The following SMOC2 variants were observed in gnomAD, a reference collection of about 807,000 sequenced individuals.
The protein encoded by SMOC2 is SPARC related modular calcium binding 2.
SMOC2 carries 39 observed loss-of-function variants against 61.4 expected under a neutral mutation model. That is an observed-to-expected ratio of 0.64 (90% CI 0.49 to 0.83). SMOC2 has a LOEUF of 0.83. Ranked by LOEUF, SMOC2 falls within the 40% of genes least tolerant of loss-of-function variation. The pLI is 0.00. For missense variants in SMOC2, 556 were observed against 592.9 expected, an observed-to-expected ratio of 0.94 and a Z score of 0.65; for synonymous variants, 247 against 239.9, an observed-to-expected ratio of 1.03 and a Z score of -0.27.
chr6:168,482,461 G>A (rs1782226941), intron 1 of SMOC2, among the ~76,000 whole-genome samples: 1 of 151,998 alleles, frequency 6.6e-6, no homozygotes, highest in Non-Finnish European at 1.5e-5. Flanking sequence ...TGGACCTCAC[G>A]GCTTCACTGG....
chr6:168,558,803 GCA>G (rs1491045850), intron 7 of SMOC2, among the ~76,000 whole-genome samples: 5 of 133,062 alleles, frequency 3.8e-5, no homozygotes, highest in African/African-American at 7.9e-5. Context: ...GTGCGTGTGC[GCA>G]TGTGTGTGTG....
intron 11 of SMOC2, among the ~76,000 whole-genome samples, chr6:168,661,031 G>A (rs935286036): frequency 6.6e-6 from 1 of 152,210 alleles, no homozygotes; most frequent in Admixed American, 6.5e-5. Flanking sequence ...GGCAAAAGAG[G>A]CAATTTGGTC....
chr6:168,624,585 TAC>T (rs1170258404), intron 9 of SMOC2, among the ~76,000 whole-genome samples: 3 of 112,280 alleles, frequency 2.7e-5, no homozygotes, highest in Middle Eastern at 5.8e-3. Flanking sequence ...CACACACAGA[TAC>T]ACAGACACAG....
chr6:168,470,665 G>C (rs1389131499), intron 1 of SMOC2, among the ~76,000 whole-genome samples: 1 of 151,734 alleles, frequency 6.6e-6, no homozygotes, highest in East Asian at 1.9e-4. Flanking sequence ...TGACAGAGCA[G>C]GACTCCATCT....
At chr6:168,569,498 TAGTGCAA>T (rs1335607102) in intron 7 of SMOC2, among the ~76,000 whole-genome samples, 1 of 152,224 alleles carries the variant, frequency 6.6e-6, no homozygotes, top group Non-Finnish European at 1.5e-5. Flanking sequence ...TGGAGTGCAA[TAGTGCAA>T]TCATGGTTCA....
At chr6:168,547,076 A>G (rs367587680) in intron 5 of SMOC2, 43 bp from the exon 6 acceptor site, 17 of 1,613,446 alleles carry the variant, frequency 1.1e-5, no homozygotes, top group African/African-American at 1.3e-5. Context: ...ACTTACTCTC[A>G]TAATTGTAGT....
rs374326902 is a variant in SMOC2, at chr6:168,653,158, C to T, written c.1215C>T (p.Ser405=). 5.6e-6 allele frequency: 9 copies of T among 1,614,026 alleles called. No individual in the cohort carries two copies. Among genetic ancestry groups the T allele is most frequent in the Middle Eastern group, 1.6e-4 (1 of 6,084 alleles). ...ACGTGAATAATGACAAATCCATCTC[C>T]GTACAAGAACTGATGGGCTGCCTGG... ...YCDVNNDKSI[S]VQELMGCLGV... The change falls in exon 11 of 13, where the codon TCC becomes TCT. Residue 405 remains serine (S), a synonymous_variant. Coordinates refer to ENST00000356284, the MANE Select transcript of SMOC2 (RefSeq NM_001166412.2).
At chr6:168,615,765 A>G (rs1274843520) in intron 9 of SMOC2, among the ~76,000 whole-genome samples, 2 of 152,182 alleles carry the variant, frequency 1.3e-5, no homozygotes, top group Non-Finnish European at 2.9e-5. Context: ...CTTCACATCT[A>G]CAGCCAGGAG....
intron 7 of SMOC2, among the ~76,000 whole-genome samples, chr6:168,565,412 C>A (rs903245868): frequency 6.6e-6 from 1 of 152,110 alleles, no homozygotes; most frequent in Non-Finnish European, 1.5e-5. Flanking sequence ...GGTGTTCCCT[C>A]TGTGTTCTTC....
chr6:168,585,156 G>A (rs1009441702), intron 7 of SMOC2, among the ~76,000 whole-genome samples: 2 of 152,090 alleles, frequency 1.3e-5, no homozygotes, highest in African/African-American at 4.8e-5. Flanking sequence ...ACGGGGTTTT[G>A]CTATGTTGCC....
intron 1 of SMOC2, among the ~76,000 whole-genome samples, chr6:168,464,830 C>T (rs192486733): frequency 1.3e-5 from 2 of 152,302 alleles, no homozygotes; most frequent in Admixed American, 1.3e-4. Flanking sequence ...AAAAAAAGTG[C>T]CAGGGAGGAA....
intron 1 of SMOC2, among the ~76,000 whole-genome samples, chr6:168,502,693 G>A (rs1782759469): frequency 1.3e-5 from 2 of 152,048 alleles, no homozygotes; most frequent in Non-Finnish European, 1.5e-5. Flanking sequence ...AAAAGCTGAC[G>A]ACCAGTGTCT....
chr6:168,482,407 A>G (rs111405315), intron 1 of SMOC2, among the ~76,000 whole-genome samples: 9,855 of 151,980 alleles, frequency 0.065, 384 homozygotes, highest in Non-Finnish European at 0.093. Context: ...CTTTTATAAC[A>G]TGATTGAGCC....
chr6:168,590,759 T>A (rs1157173052), intron 7 of SMOC2, among the ~76,000 whole-genome samples: 1 of 152,128 alleles, frequency 6.6e-6, no homozygotes, highest in Non-Finnish European at 1.5e-5. Context: ...TATTTAAGAG[T>A]TTTTTTAATG....
chr6:168,520,735 C>A (rs145173903), intron 2 of SMOC2, among the ~76,000 whole-genome samples: 167 of 152,366 alleles, frequency 1.1e-3, no homozygotes, highest in African/African-American at 3.8e-3. Flanking sequence ...ACCAAAGCAT[C>A]TTGGAAGACC....
At chr6:168,664,273 T>G (rs1438764196) in intron 12 of SMOC2, 162 bp downstream of exon 12, 6 of 676,614 alleles carry the variant, frequency 8.9e-6, no homozygotes, top group Middle Eastern at 2.4e-4. Flanking sequence ...CTATGGGGAC[T>G]AAAGCAGCCT....
intron 1 of SMOC2, among the ~76,000 whole-genome samples, chr6:168,454,837 A>T (rs1781546500): frequency 6.6e-6 from 1 of 152,244 alleles, no homozygotes; most frequent in South Asian, 2.1e-4. Context: ...TGCTGGGGAC[A>T]GGTTGTGCGT....
At chr6:168,664,895 G>C (rs1288417893) in intron 12 of SMOC2, 1 of 454,616 alleles carries the variant, frequency 2.2e-6, no homozygotes, top group Non-Finnish European at 4.6e-6. Flanking sequence ...GATTTATTTT[G>C]TCTGCACCTG....
intron 4 of SMOC2, among the ~76,000 whole-genome samples, chr6:168,534,400 G>A (rs977503082): frequency 4.6e-5 from 7 of 152,114 alleles, no homozygotes; most frequent in African/African-American, 1.7e-4. Flanking sequence ...AGCCGCTTCA[G>A]GCCGGCTTGG....
Sources: allele counts gnomAD v4.1 joint callset (sites outside exome capture counted in the v4.1 genomes callset), GRCh38; gene constraint gnomAD v4.1.1; transcripts MANE v1.5; gene names NCBI Gene and HGNC (gene_info 2026-07-23, HGNC 2026-07-21).